ACO2: variants seen among roughly 807,000 people sequenced by gnomAD.
The protein encoded by ACO2 is aconitate hydratase, mitochondrial.
In ACO2, 31 loss-of-function variants were observed where a neutral mutation model predicts 84.5. That is an observed-to-expected ratio of 0.37 (90% CI 0.28 to 0.50). The LOEUF (loss-of-function observed/expected upper bound fraction) is 0.50. Among genes scored for constraint, ACO2 ranks in the 20% least tolerant of loss-of-function variants. The pLI is 0.97. For synonymous variants in ACO2, 414 were observed against 412.7 expected, an observed-to-expected ratio of 1.00 and a Z score of -0.04; for missense variants, 685 against 1,029.3, an observed-to-expected ratio of 0.67 and a Z score of 4.58.
At chr22:41,525,070 G>A (rs1234046669) in intron 13 of ACO2, 102 bp downstream of exon 13, 1 of 1,603,562 alleles carries the variant, frequency 6.2e-7, no homozygotes, top group Non-Finnish European at 8.5e-7. Context: ...CGCTGCTAGT[G>A]AGAAGGAAGC....
intron 2 of ACO2, among the ~76,000 whole-genome samples, chr22:41,506,528 C>T (rs2066394699): frequency 6.6e-6 from 1 of 152,152 alleles, no homozygotes; most frequent in Non-Finnish European, 1.5e-5. Flanking sequence ...GCTGAGATTA[C>T]AGGCATGAGC....
intron 1 of ACO2, among the ~76,000 whole-genome samples, chr22:41,486,180 G>T (rs1035251852): frequency 2.6e-5 from 4 of 152,122 alleles, no homozygotes; most frequent in Non-Finnish European, 5.9e-5. Context: ...CTAGACTGAG[G>T]CATATTAGTC....
At chr22:41,498,031 C>G (rs767257869) in intron 1 of ACO2, among the ~76,000 whole-genome samples, 4 of 152,146 alleles carry the variant, frequency 2.6e-5, no homozygotes, top group Non-Finnish European at 4.4e-5. Context: ...GTAGTCCCAG[C>G]TACGCGGGAG....
rs1483599568 is a variant in ACO2, at chr22:41,515,135, C to A, written c.526-242C>A. The stretch of plus-strand genomic sequence containing the variant: ...GGAAACTGAGGCATGGGGCAGCATT[C>A]AAAGGCCCAAGACATATAGCAGGAA... On this transcript the variant is annotated intron_variant, in intron 4 of 17. Coordinates refer to ENST00000216254, the MANE Select transcript of ACO2 (RefSeq NM_001098.3). The surrounding 1 kb of genome is among the most constrained non-coding windows in gnomAD (Gnocchi z 5.8). Among the ~76,000 whole-genome samples, 2 of 152,214 alleles carry A rather than the reference C, an allele frequency of 1.3e-5. No individual in the cohort carries two copies. Among genetic ancestry groups the A allele is most frequent in the Non-Finnish European group, 2.9e-5 (2 of 68,040 alleles).
rs541025720 is a variant in ACO2, at chr22:41,510,088, G to A, written c.433-1788G>A. ...TGACCTCAGGTGATCCACCCACCTC[G>A]GCCTCCCAAAGTGCTGGGATTATAG... On this transcript the variant is annotated intron_variant, in intron 3 of 17. Transcript: ENST00000216254. Among the ~76,000 whole-genome samples, 79 of 152,192 alleles carry A rather than the reference G, an allele frequency of 5.2e-4. 1 individual carries two copies. Among genetic ancestry groups the A allele is most frequent in the African/African-American group, 1.8e-3 (73 of 41,522 alleles).
chr22:41,525,466 TGGAAG>T, intron 14 of ACO2, 118 bp downstream of exon 14: 1 of 1,309,462 alleles, frequency 7.6e-7, no homozygotes, highest in Admixed American at 2.2e-5. Flanking sequence ...AGGTGGGAGA[TGGAAG>T]GGAGGTTTGG....
chr22:41,497,014 G>A (rs759130443), intron 1 of ACO2, among the ~76,000 whole-genome samples: 4 of 152,006 alleles, frequency 2.6e-5, no homozygotes, highest in African/African-American at 4.8e-5. Flanking sequence ...AAGGTATGAC[G>A]AGGAACACCA....
At chr22:41,503,246 C>G (rs78283941) in intron 2 of ACO2, among the ~76,000 whole-genome samples, 3 of 152,020 alleles carry the variant, frequency 2.0e-5, no homozygotes, top group African/African-American at 4.8e-5. Context: ...CCAGAAAAGT[C>G]CAATAAATTT....
Position 41,520,091 on chromosome 22 carries a change from T to C in ACO2, c.1033-80T>C, listed in dbSNP as rs747499878. On this transcript the variant is annotated intron_variant, in intron 8 of 17. Coordinates refer to ENST00000216254, the MANE Select transcript of ACO2 (RefSeq NM_001098.3). The stretch of plus-strand genomic sequence containing the variant: ...CGTTGGCCTCTCTGTGGGGACGTGG[T>C]GAGGCAGTGAAAGAGGCTGTCCCCG... 404 of 1,247,194 alleles carry C rather than the reference T, an allele frequency of 3.2e-4. 3 individuals carry two copies. Among genetic ancestry groups the C allele is most frequent in the Middle Eastern group, 8.1e-4 (3 of 3,688 alleles). The allele number at this position is 1,247,194 out of a possible 1,614,324, so 77.3% of individuals were successfully genotyped here. A position where few individuals can be genotyped will look rare whatever the true frequency, so the allele number is the denominator to read the frequency against.
At chr22:41,507,696 C>T in intron 2 of ACO2, 95 bp from the exon 3 acceptor site, 1 of 1,516,576 alleles carries the variant, frequency 6.6e-7, no homozygotes, top group East Asian at 2.3e-5. Flanking sequence ...TCCCTGGCCA[C>T]TGTTGAGGTT....
chr22:41,479,889 C>T (rs1455908973), intron 1 of ACO2, among the ~76,000 whole-genome samples: 1 of 152,238 alleles, frequency 6.6e-6, no homozygotes, highest in Admixed American at 6.5e-5. Context: ...ATGAGCGAAT[C>T]TGTCATCAGC....
intron 1 of ACO2, among the ~76,000 whole-genome samples, chr22:41,473,613 A>G (rs1348916621): frequency 2.0e-5 from 3 of 152,118 alleles, no homozygotes; most frequent in African/African-American, 4.8e-5. Context: ...TGTCCTGGGG[A>G]AATTACGTAG....
intron 1 of ACO2, among the ~76,000 whole-genome samples, chr22:41,470,008 T>G (rs1380713853): frequency 6.6e-6 from 1 of 152,190 alleles, no homozygotes; most frequent in African/African-American, 2.4e-5. Flanking sequence ...TTTGTCAGAA[T>G]GCAGTACGAA....
chr22:41,526,511 C>T, intron 15 of ACO2, 58 bp downstream of exon 15: 2 of 1,554,650 alleles, frequency 1.3e-6, no homozygotes, highest in African/African-American at 2.7e-5. Flanking sequence ...GCCTGCAAGG[C>T]AGGTGCAGGG....
At position 41,521,937 on chromosome 22, in the gene ACO2, A is replaced by G. The variant is rs556287104; in HGVS notation, c.1139-893A>G. 3.9e-5 allele frequency among the ~76,000 whole-genome samples: 6 copies of G among 152,168 alleles called. No individual in the cohort carries two copies. The East Asian group carries it at 1.2e-3, about 29-fold the overall frequency. On this transcript the variant is annotated intron_variant, in intron 9 of 17. Coordinates refer to ENST00000216254, the MANE Select transcript of ACO2 (RefSeq NM_001098.3). ...CAGGCGCCCGCCACCATGCCTGGCT[A>G]ATTTTTGTATTTTTAGTAGAGATGG... is the stretch of plus-strand genomic sequence containing the variant.
Position 41,526,249 on chromosome 22 carries a change from CT to C in ACO2, c.1762-11del. 1 of 1,609,870 alleles carries C rather than the reference CT, an allele frequency of 6.2e-7. No homozygotes were observed. The highest frequency in any genetic ancestry group is 8.5e-7 in the Non-Finnish European group (1 of 1,178,336). ...CATGCCCTGACCTCTGTCCTCTCTACTTACCACCCAAGGTCAAAGGGAAGTG... is the reference window on the plus strand; with the variant it reads ...CATGCCCTGACCTCTGTCCTCTCTACTACCACCCAAGGTCAAAGGGAAGTG... On this transcript the variant is annotated splice_polypyrimidine_tract_variant and intron_variant, in intron 14 of 17. Transcript: ENST00000216254.
chr22:41,478,885 C>G (rs1282938727), intron 1 of ACO2, among the ~76,000 whole-genome samples: 2 of 151,960 alleles, frequency 1.3e-5, no homozygotes, highest in South Asian at 4.1e-4. Flanking sequence ...ATTCTCCTGC[C>G]TCAGCCTCCC....
intron 2 of ACO2, among the ~76,000 whole-genome samples, chr22:41,504,282 A>T (rs557371545): frequency 6.6e-6 from 1 of 152,294 alleles, no homozygotes; most frequent in Non-Finnish European, 1.5e-5. Flanking sequence ...AGGCCAGGGG[A>T]CTTGCTGGGC....
At chr22:41,520,356 C>CTA (rs2066513653) in intron 9 of ACO2, 80 bp downstream of exon 9, 1 of 1,131,992 alleles carries the variant, frequency 8.8e-7, no homozygotes, top group Admixed American at 2.2e-5. Flanking sequence ...TCACCTATGC[C>CTA]TACTGTGTGG....
Sources: allele counts gnomAD v4.1 joint callset (sites outside exome capture counted in the v4.1 genomes callset), GRCh38; gene constraint gnomAD v4.1.1; non-coding constraint Gnocchi (gnomAD v3.1); transcripts MANE v1.5; gene names NCBI Gene and HGNC (gene_info 2026-07-23, HGNC 2026-07-21).